Variants in IFT80 observed in about 807,000 individuals in gnomAD.
IFT80 encodes intraflagellar transport 80.
Under a neutral mutation model 107.9 loss-of-function variants are expected in IFT80, and 79 were observed. That is an observed-to-expected ratio of 0.73 (90% confidence interval 0.61 to 0.88). The LOEUF (loss-of-function observed/expected upper bound fraction) is 0.88, where lower values mean the gene tolerates loss of function less well. Among genes scored for constraint, IFT80 ranks in the 40% least tolerant of loss-of-function variants. The probability of loss-of-function intolerance (pLI) is 0.00; values close to 1 mark genes in which losing one functional copy is unlikely to be tolerated. For synonymous variants in IFT80, 299 were observed against 300.9 expected, an observed-to-expected ratio of 0.99 and a Z score of 0.07; for missense variants, 797 against 914.2, an observed-to-expected ratio of 0.87 and a Z score of 1.65.
At chr3:160,262,800 T>G (rs886439627) in intron 19 of IFT80, among the ~76,000 whole-genome samples, 6 of 152,168 alleles carry the variant, frequency 3.9e-5, no homozygotes, top group Non-Finnish European at 8.8e-5. Flanking sequence ...GAGACATATT[T>G]TGGGGTGTCA....
intron 19 of IFT80, among the ~76,000 whole-genome samples, chr3:160,267,333 C>T (rs1713418169): frequency 6.6e-6 from 1 of 152,140 alleles, no homozygotes; most frequent in Admixed American, 6.5e-5. Flanking sequence ...CCCCTATGAT[C>T]AATCAGAACA....
chr3:160,323,054 G>C (rs1162184548), intron 8 of IFT80, among the ~76,000 whole-genome samples: 1 of 151,626 alleles, frequency 6.6e-6, no homozygotes, highest in African/African-American at 2.4e-5. Context: ...GATCCCATTT[G>C]TCAATTTTGG....
chr3:160,321,244 T>G (rs896921808), intron 8 of IFT80, among the ~76,000 whole-genome samples: 3 of 152,022 alleles, frequency 2.0e-5, no homozygotes, highest in Non-Finnish European at 4.4e-5. Flanking sequence ...TAACCTGCTT[T>G]GGGCGATAAA....
Position 160,306,594 on chromosome 3 carries a change from A to C in IFT80, c.1076+1069T>G, listed in dbSNP as rs147285826. 7.8e-3 allele frequency among the ~76,000 whole-genome samples: 1,186 copies of C among 152,210 alleles called. 23 individuals carry two copies. Among genetic ancestry groups the C allele is most frequent in the African/African-American group, 0.027 (1,137 of 41,540 alleles). On this transcript the variant is annotated intron_variant, in intron 10 of 19. Transcript: ENST00000326448. ...TTTGCTCTCATGTAAGGAAAAAAAAAAACTCACATAAAATTAAATTGCCTA... is the reference window on the plus strand; with the variant it reads ...TTTGCTCTCATGTAAGGAAAAAAAACAACTCACATAAAATTAAATTGCCTA...
intron 6 of IFT80, among the ~76,000 whole-genome samples, chr3:160,362,084 C>A (rs1576870990): frequency 1.3e-5 from 2 of 151,998 alleles, no homozygotes; most frequent in South Asian, 2.1e-4. Context: ...TCAATGAATC[C>A]AGGAGCTGGT....
intron 12 of IFT80, among the ~76,000 whole-genome samples, chr3:160,289,218 A>G (rs1283076368): frequency 1.3e-5 from 2 of 152,224 alleles, no homozygotes; most frequent in African/African-American, 4.8e-5. Flanking sequence ...CAGAAAACCA[A>G]TTACCACATG....
chr3:160,260,067 T>G (rs918718076), intron 19 of IFT80, among the ~76,000 whole-genome samples: 1 of 151,326 alleles, frequency 6.6e-6, no homozygotes, highest in African/African-American at 2.4e-5. Flanking sequence ...AGAAATTAAG[T>G]ATTTTTTTTA....
intron 8 of IFT80, among the ~76,000 whole-genome samples, chr3:160,328,461 CA>C (rs1236379581): frequency 0.026 from 1,239 of 47,880 alleles, 1 homozygote; most frequent in Non-Finnish European, 0.032. Flanking sequence ...GACTCCATCT[CA>C]AAAAAAAAAA....
intron 15 of IFT80, among the ~76,000 whole-genome samples, chr3:160,279,870 C>T (rs1023049891): frequency 1.3e-5 from 2 of 152,150 alleles, no homozygotes; most frequent in East Asian, 3.9e-4. Context: ...TGCAGTGAGC[C>T]ATGATTACAC....
chr3:160,302,314 G>A (rs1716490058), intron 11 of IFT80, among the ~76,000 whole-genome samples: 1 of 152,010 alleles, frequency 6.6e-6, no homozygotes, highest in Admixed American at 6.6e-5. Flanking sequence ...TAATACTTGA[G>A]GGTTGGTAGG....
At chr3:160,304,822 A>C (rs1023949993) in intron 10 of IFT80, among the ~76,000 whole-genome samples, 1 of 152,218 alleles carries the variant, frequency 6.6e-6, no homozygotes, top group African/African-American at 2.4e-5. Context: ...TGTCTGGCAA[A>C]AGACCTGTTA....
chr3:160,323,380 T>C (rs967735174), intron 8 of IFT80, among the ~76,000 whole-genome samples: 3 of 151,556 alleles, frequency 2.0e-5, no homozygotes, highest in East Asian at 1.9e-4. Context: ...GGCTCTGTTC[T>C]GTTCCATTGA....
At chr3:160,299,543 T>C (rs1188513600) in intron 12 of IFT80, among the ~76,000 whole-genome samples, 5 of 152,168 alleles carry the variant, frequency 3.3e-5, no homozygotes, top group African/African-American at 1.2e-4. Flanking sequence ...TCACTCACTC[T>C]TAACTTTCCT....
rs866161894 is a variant in IFT80, at chr3:160,312,751, T to C, written c.958-4970A>G. ...ATATATATTATATATAAATATATAA[T>C]ATATATATAAATGTATATTATATAT... is the stretch of plus-strand genomic sequence containing the variant. On this transcript the variant is annotated intron_variant, in intron 9 of 19. Transcript: ENST00000326448. Among the ~76,000 whole-genome samples, 22 of 40,534 alleles carry C rather than the reference T, an allele frequency of 5.4e-4. No individual in the cohort carries two copies. In the South Asian group the frequency reaches 0.013, roughly 24 times the overall value. 26.6% of individuals were successfully genotyped at this position (40,534 alleles called of 152,430 possible).
chr3:160,377,615 A>G (rs909066614), intron 3 of IFT80, 75 bp from the exon 4 acceptor site: 2 of 747,226 alleles, frequency 2.7e-6, no homozygotes, highest in Non-Finnish European at 4.7e-6. Flanking sequence ...ACTAAGTAAT[A>G]GGCACTAAAG....
chr3:160,316,277 T>C (rs966442429), intron 9 of IFT80, among the ~76,000 whole-genome samples: 5 of 152,098 alleles, frequency 3.3e-5, no homozygotes, highest in African/African-American at 9.7e-5. Context: ...CAGGTGCAAA[T>C]GACACTGATG....
At chr3:160,296,344 AACTT>A in intron 12 of IFT80, among the ~76,000 whole-genome samples, 1 of 152,306 alleles carries the variant, frequency 6.6e-6, no homozygotes, top group South Asian at 2.1e-4. Flanking sequence ...TTTATCTCCA[AACTT>A]ACTTATAATA....
Position 160,262,561 on chromosome 3 carries a change from A to G in IFT80, c.2224-3926T>C, listed in dbSNP as rs539823077. Among the ~76,000 whole-genome samples, 4 of 152,218 alleles carry G rather than the reference A, an allele frequency of 2.6e-5. No homozygotes were observed. The East Asian group carries it at 7.7e-4, about 29-fold the overall frequency. ...TCCTGAACTCTTGGGCTTGGCTTAC[A>G]TGATCCTCCTGCCTTGGTCTCCCAA... On this transcript the variant is annotated intron_variant, in intron 19 of 19. Coordinates refer to ENST00000326448, the MANE Select transcript of IFT80 (RefSeq NM_020800.3).
intron 5 of IFT80, among the ~76,000 whole-genome samples, chr3:160,372,789 TG>T (rs1321384578): frequency 1.3e-5 from 2 of 152,220 alleles, no homozygotes; most frequent in Admixed American, 6.5e-5. Flanking sequence ...TAAATGTTGA[TG>T]GGTAATATCA....
Sources: gnomAD v4.1 joint callset for allele counts (sites outside exome capture counted in the v4.1 genomes callset) on GRCh38, gnomAD v4.1.1 for gene constraint, MANE v1.5 for transcripts, NCBI Gene and HGNC (gene_info 2026-07-23, HGNC 2026-07-21) for gene names.